PRKAG3: variants seen among roughly 807,000 people sequenced by gnomAD.
PRKAG3 encodes the protein 5'-AMP-activated protein kinase subunit gamma-3.
A neutral mutation model predicts 56.5 loss-of-function variants in PRKAG3; 39 were observed. The ratio of observed to expected loss-of-function variants is 0.69; its 90% confidence interval spans 0.53 to 0.90. The LOEUF (loss-of-function observed/expected upper bound fraction) is 0.90. Ranked by LOEUF, PRKAG3 falls within the 40% of genes least tolerant of loss-of-function variation. The probability of loss-of-function intolerance (pLI) is 0.00; values close to 1 mark genes in which losing one functional copy is unlikely to be tolerated. For missense variants in PRKAG3, 628 were observed against 627.5 expected, an observed-to-expected ratio of 1.00 and a Z score of -0.01; for synonymous variants, 243 against 250.1, an observed-to-expected ratio of 0.97 and a Z score of 0.27.
chr2:218,831,441 G>A (rs1944018346), intron 1 of PRKAG3, 66 bp from the exon 2 acceptor site: 1 of 1,420,598 alleles, frequency 7.0e-7, no homozygotes, highest in Non-Finnish European at 9.6e-7. Context: ...CCTTCTCCCT[G>A]AACACACGCC....
Position 218,823,639 on chromosome 2 carries a change from A to G in PRKAG3, c.*123T>C, listed in dbSNP as rs1575209832. 15 of 1,588,400 alleles carry G rather than the reference A, an allele frequency of 9.4e-6. No individual in the cohort carries two copies. The highest frequency in any genetic ancestry group is 1.3e-5 in the Non-Finnish European group (15 of 1,172,422). On this transcript the variant is annotated 3_prime_UTR_variant, in exon 13 of 13. Transcript: ENST00000529249. Reference sequence around the variant, plus strand: ...AGGCTGGTGTCATGGCCCAGGGCAGAGCCTACCTGAATCATAGCTGAACCA... The same window carrying G: ...AGGCTGGTGTCATGGCCCAGGGCAGGGCCTACCTGAATCATAGCTGAACCA...
intron 3 of PRKAG3, 106 bp from the exon 4 acceptor site, chr2:218,830,487 G>C (rs2105989683): frequency 7.0e-7 from 1 of 1,427,498 alleles, no homozygotes. Flanking sequence ...CCTGGATGCT[G>C]TGGCCCTATT....
In PRKAG3 at chr2:218,827,953, C is replaced by T. The variant is rs1159553987; in HGVS notation, c.774+51G>A. 1.5e-5 allele frequency: 24 copies of T among 1,601,510 alleles called. No individual in the cohort carries two copies. The South Asian group carries it at 2.0e-4, about 13-fold the overall frequency. On this transcript the variant is annotated intron_variant, in intron 6 of 12. Transcript: ENST00000529249. The surrounding 1 kb of genome is among the most constrained non-coding windows in gnomAD (Gnocchi z 5.3). ...GGCACCAGGCTCCAGGAGGACTCCCCTCCGCCCCCGCCCCTCTGGGTGCCC... is the reference window on the plus strand; with the variant it reads ...GGCACCAGGCTCCAGGAGGACTCCCTTCCGCCCCCGCCCCTCTGGGTGCCC...
exon 12 of PRKAG3, chr2:218,824,237 C>G (rs1370575827): frequency 4.3e-6 from 7 of 1,614,114 alleles, no homozygotes; most frequent in Admixed American, 1.7e-5. Flanking sequence ...CCCGAGCAAT[C>G]CTGTCGATCA....
rs937778568 is a variant in PRKAG3 at position 218,826,307 on chromosome 2, T to C, written c.1168+621A>G. 2.6e-5 allele frequency among the ~76,000 whole-genome samples: 4 copies of C among 152,380 alleles called. No homozygotes were observed. In the East Asian group the frequency reaches 5.8e-4, roughly 22 times the overall value. ...CACTTCTTGATATCTATCTTAATTATGGTGATTTTAGCTTTGAAATATTTC... is the reference window on the plus strand; with the variant it reads ...CACTTCTTGATATCTATCTTAATTACGGTGATTTTAGCTTTGAAATATTTC... On this transcript the variant is annotated intron_variant, in intron 10 of 12. Transcript: ENST00000529249.
exon 13 of PRKAG3, chr2:218,823,557 G>T: frequency 9.4e-7 from 1 of 1,066,060 alleles, no homozygotes; most frequent in Non-Finnish European, 1.3e-6. Flanking sequence ...TTTGAGCTTG[G>T]CCACTCCCAT....
At position 218,827,502 on chromosome 2, in the gene PRKAG3, T is replaced by C; in HGVS notation, c.875+73A>G. ...GTGCCGCCTAGGATGAAGAGGTGAG[T>C]TCAGAGCTGAGTGGGACTGGGGAAG... On this transcript the variant is annotated intron_variant, in intron 8 of 12. Transcript: ENST00000529249. The surrounding 1 kb of genome is among the most constrained non-coding windows in gnomAD (Gnocchi z 5.3). 6.2e-7 allele frequency: 1 copy of C among 1,602,138 alleles called. No homozygotes were observed.
chr2:218,826,831 A>C lies in PRKAG3; in HGVS notation c.1168+97T>G, dbSNP rs113680581. The C allele has an allele frequency of 1.9e-5, 28 of 1,499,230 alleles. No individual in the cohort carries two copies. The African/African-American group carries it at 2.2e-4, about 12-fold the overall frequency. 92.9% of individuals were successfully genotyped at this position (1,499,230 alleles called of 1,614,324 possible). ...CCCCAGTCCATCCTGTACCCCCCAC[A>C]GGGATGGCATGAGAAACCCTGCCCT... On this transcript the variant is annotated intron_variant, in intron 10 of 12. Transcript: ENST00000529249.
rs778688185 is a variant in PRKAG3, at chr2:218,830,280, G to GTGGA, written c.327_330dup (p.Pro111SerfsTer11). The stretch of plus-strand genomic sequence containing the variant: ...GAGGGGAGGCAGTCCCACCCTGTTG[G>GTGGA]TGGAGTGCCCACCCCGGCAGGATCA... On this transcript the variant is annotated frameshift_variant, in exon 4 of 13. Transcript: ENST00000529249. LOFTEE classifies it high-confidence loss of function. The GTGGA allele has an allele frequency of 2.5e-6, 4 of 1,613,660 alleles. No homozygotes were observed. The African/African-American group carries it at 5.3e-5, about 21-fold the overall frequency.
At chr2:218,823,379 G>A (rs1426517603) in exon 13 of PRKAG3, 1 of 283,166 alleles carries the variant, frequency 3.5e-6, no homozygotes, top group Non-Finnish European at 6.9e-6. Flanking sequence ...TGAATTGTGA[G>A]GGAACAAGTA....
At chr2:218,830,228 G>A (rs1334961945) in exon 4 of PRKAG3, 3 of 1,613,922 alleles carry the variant, frequency 1.9e-6, no homozygotes, top group African/African-American at 1.3e-5. Context: ...ATCTGTGCTG[G>A]AGCCTGCAGC....
At chr2:218,830,176 C>A (rs748763400) in exon 4 of PRKAG3, 4 of 1,614,192 alleles carry the variant, frequency 2.5e-6, no homozygotes, top group Non-Finnish European at 3.4e-6. Context: ...GCTCACACTC[C>A]CAGGCCTCTG....
chr2:218,829,944 A>T, intron 4 of PRKAG3, 34 bp downstream of exon 4: 1 of 1,602,286 alleles, frequency 6.2e-7, no homozygotes, highest in Non-Finnish European at 8.5e-7. Flanking sequence ...GTGGATGGAG[A>T]GTGAGTACAG....
intron 4 of PRKAG3, among the ~76,000 whole-genome samples, chr2:218,829,053 G>A (rs181006140): frequency 6.8e-4 from 104 of 152,140 alleles, no homozygotes; most frequent in Non-Finnish European, 3.2e-4. Context: ...AGTACTATCT[G>A]CACATGCTGG....
At position 218,827,083 on chromosome 2, in the gene PRKAG3, A is replaced by G; in HGVS notation, c.1013T>C (p.Leu338Pro). The G allele has an allele frequency of 6.2e-7, 1 of 1,613,302 alleles. No individual in the cohort carries two copies. The highest frequency in any genetic ancestry group is 8.5e-7 in the Non-Finnish European group (1 of 1,180,032). The stretch of plus-strand genomic sequence containing the variant: ...GCGGTAGAGGAAGGAGGGCCGGGGC[A>G]GCAGGGAACCCTGGTTAGGATGGGG... Residue 338 changes from leucine to proline, a missense_variant, in exon 10 of 13, where the codon CTG (leucine) becomes CCG (proline). Leu to Pro is a moderately conservative substitution (Grantham distance 98, BLOSUM62 -3). Transcript: ENST00000529249. This position sits in a 1 kb window ranked among gnomAD's most constrained non-coding sequence, Gnocchi z 5.3.
chr2:218,828,714 G>C, intron 4 of PRKAG3, 114 bp from the exon 5 acceptor site: 1 of 897,716 alleles, frequency 1.1e-6, no homozygotes, highest in Non-Finnish European at 1.7e-6. Flanking sequence ...TCCCACCCAG[G>C]GTTCTTCCAT....
intron 10 of PRKAG3, 135 bp downstream of exon 10, chr2:218,826,793 G>A (rs184435717): frequency 9.3e-6 from 11 of 1,181,220 alleles, no homozygotes; most frequent in Admixed American, 3.8e-5. Context: ...CAGAGTAGAC[G>A]GAGACTTCTA....
Position 218,824,214 on chromosome 2 carries a change from C to G in PRKAG3, c.1353+8G>C, listed in dbSNP as rs1479153134. 2 of 1,614,060 alleles carry G rather than the reference C, an allele frequency of 1.2e-6. No homozygotes were observed. The highest frequency in any genetic ancestry group is 1.7e-6 in the Non-Finnish European group (2 of 1,179,998). On this transcript the variant is annotated splice_region_variant and intron_variant, in intron 12 of 12. Transcript: ENST00000529249. Reference sequence around the variant, plus strand: ...GTGTTGGGGGCATGAATGGAGGGCACACGGTACCTGCTCCCGAGCAATCCT... The same window carrying G: ...GTGTTGGGGGCATGAATGGAGGGCAGACGGTACCTGCTCCCGAGCAATCCT...
At chr2:218,831,709 C>A in intron 1 of PRKAG3, 29 bp downstream of exon 1, 1 of 1,605,476 alleles carries the variant, frequency 6.2e-7, no homozygotes, top group Non-Finnish European at 8.5e-7. Context: ...TCAGCTGCCC[C>A]GGCTCCGGCT....
Sources: gnomAD v4.1 joint callset for allele counts (sites outside exome capture counted in the v4.1 genomes callset) on GRCh38, gnomAD v4.1.1 for gene constraint, Gnocchi (gnomAD v3.1) non-coding constraint, MANE v1.5 for transcripts, NCBI Gene and HGNC (gene_info 2026-07-23, HGNC 2026-07-21) for gene names.